SLC9B1: variants seen among roughly 807,000 people sequenced by gnomAD.
SLC9B1 encodes solute carrier family 9 member B1.
SLC9B1 carries 32 observed loss-of-function variants against 51.7 expected under a neutral mutation model. The ratio of observed to expected loss-of-function variants is 0.62; its 90% confidence interval spans 0.47 to 0.83. The LOEUF (loss-of-function observed/expected upper bound fraction) is 0.83, where lower values mean the gene tolerates loss of function less well. Ranked by LOEUF, SLC9B1 falls within the 40% of genes least tolerant of loss-of-function variation. The pLI is 0.00. For synonymous variants in SLC9B1, 145 were observed against 212.7 expected, an observed-to-expected ratio of 0.68 and a Z score of 2.77; for missense variants, 406 against 613.2, an observed-to-expected ratio of 0.66 and a Z score of 3.57.
chr4:102,960,083 A>G (rs1738023587), intron 3 of SLC9B1, among the ~76,000 whole-genome samples: 1 of 152,080 alleles, frequency 6.6e-6, no homozygotes, highest in Non-Finnish European at 1.5e-5. Flanking sequence ...TCAGGAAAAA[A>G]GAATAATAAA....
intron 6 of SLC9B1, among the ~76,000 whole-genome samples, chr4:102,932,666 G>C (rs1360678526): frequency 6.6e-6 from 1 of 152,138 alleles, no homozygotes; most frequent in Non-Finnish European, 1.5e-5. Flanking sequence ...GACAATTTAG[G>C]ATTGAAAAAA....
At chr4:102,899,856 A>T (rs534677432), downstream of SLC9B1, among the ~76,000 whole-genome samples, 1 of 152,232 alleles carries the variant, frequency 6.6e-6, no homozygotes, top group African/African-American at 2.4e-5. Context: ...TTGTAAAACT[A>T]TAAGGAGAAA....
At chr4:102,960,736 CTT>C (rs1172297121) in intron 3 of SLC9B1, among the ~76,000 whole-genome samples, 10 of 142,544 alleles carry the variant, frequency 7.0e-5, no homozygotes, top group Admixed American at 1.4e-4. Context: ...TTCTTTCTTT[CTT>C]TTTTTTTTTT....
chr4:102,912,956 C>A (rs1735408616), intron 7 of SLC9B1, among the ~76,000 whole-genome samples: 1 of 152,084 alleles, frequency 6.6e-6, no homozygotes, highest in Non-Finnish European at 1.5e-5. Flanking sequence ...ATAAAGATAC[C>A]AACTGAACAA....
At chr4:102,931,068 TA>T (rs1190849727) in intron 7 of SLC9B1, among the ~76,000 whole-genome samples, 1 of 151,016 alleles carries the variant, frequency 6.6e-6, no homozygotes, top group Non-Finnish European at 1.5e-5. Flanking sequence ...ACTAAAAATA[TA>T]AAAAAAATTA....
intron 3 of SLC9B1, among the ~76,000 whole-genome samples, chr4:102,964,335 T>C (rs1237537927): frequency 6.6e-6 from 1 of 152,016 alleles, no homozygotes; most frequent in Non-Finnish European, 1.5e-5. Context: ...AAAAATATAC[T>C]TCACTGGTGA....
Position 103,002,790 on chromosome 4 carries a change from C to T in SLC9B1, c.-1-11078G>A, listed in dbSNP as rs150274537. The stretch of plus-strand genomic sequence containing the variant: ...GCTTTCACTGAACACTCTGGAACTT[C>T]TGCCAGATGATTATCAAACTGTATT... On this transcript the variant is annotated intron_variant, in intron 1 of 11. Coordinates refer to ENST00000296422, the MANE Select transcript of SLC9B1 (RefSeq NM_139173.4). Among the ~76,000 whole-genome samples the T allele has an allele frequency of 3.9e-5, 6 of 152,304 alleles. No homozygotes were observed. The East Asian group carries it at 1.2e-3, about 29-fold the overall frequency.
At chr4:102,946,840 A>G in intron 4 of SLC9B1, 51 bp from the exon 5 acceptor site, 2 of 1,492,838 alleles carry the variant, frequency 1.3e-6, no homozygotes, top group East Asian at 2.5e-5. Context: ...TCTGAGAAAG[A>G]AAACGGAAAT....
chr4:103,005,938 G>C (rs1578415822), intron 1 of SLC9B1, among the ~76,000 whole-genome samples: 1 of 152,100 alleles, frequency 6.6e-6, no homozygotes, highest in East Asian at 1.9e-4. Context: ...TCTGAGACAG[G>C]GCTAAAGCAT....
Position 102,995,676 on chromosome 4 carries a change from G to T in SLC9B1, c.-1-3964C>A, listed in dbSNP as rs188240451. On this transcript the variant is annotated intron_variant, in intron 1 of 11. Transcript: ENST00000296422. ...ATATCTGCCAAGAGTGGAATTGGTA[G>T]GTGGTATGCCTAAAAGCAAGGACTT... Among the ~76,000 whole-genome samples, 277 of 152,246 alleles carry T rather than the reference G, an allele frequency of 1.8e-3. 1 individual carries two copies. Among genetic ancestry groups the T allele is most frequent in the South Asian group, 1.9e-3 (9 of 4,822 alleles).
intron 3 of SLC9B1, among the ~76,000 whole-genome samples, chr4:102,959,530 T>C (rs1302364516): frequency 6.6e-6 from 1 of 152,170 alleles, no homozygotes; most frequent in Non-Finnish European, 1.5e-5. Flanking sequence ...TGAGGAAAGA[T>C]ATTTTTTAGG....
At chr4:102,892,740 G>A (rs1484853689) in intron 11 of SLC9B1, 1 of 151,984 alleles carries the variant, frequency 6.6e-6, no homozygotes, top group East Asian at 1.9e-4. Flanking sequence ...AGGAGAAAAG[G>A]GTAGTACATT....
intron 6 of SLC9B1, among the ~76,000 whole-genome samples, chr4:102,941,247 T>TA (rs1736979626): frequency 5.3e-5 from 8 of 152,124 alleles, no homozygotes; most frequent in Admixed American, 5.2e-4. Flanking sequence ...AAACCATGCA[T>TA]TCGACAAAAG....
chr4:102,926,330 T>A (rs962192162), intron 7 of SLC9B1, among the ~76,000 whole-genome samples: 1 of 152,254 alleles, frequency 6.6e-6, no homozygotes, highest in Non-Finnish European at 1.5e-5. Context: ...GATGACATGA[T>A]TGTATATTTA....
intron 7 of SLC9B1, among the ~76,000 whole-genome samples, chr4:102,922,684 A>G (rs1300019237): frequency 6.6e-6 from 1 of 152,144 alleles, no homozygotes; most frequent in African/African-American, 2.4e-5. Context: ...AAGAAAAGAG[A>G]GAGGAATCAA....
intron 1 of SLC9B1, among the ~76,000 whole-genome samples, chr4:103,000,025 T>A (rs933617589): frequency 6.6e-6 from 1 of 152,182 alleles, no homozygotes; most frequent in African/African-American, 2.4e-5. Flanking sequence ...AAATGCCAGA[T>A]GCTTATAAAA....
At chr4:102,898,246 G>C (rs779736061), downstream of SLC9B1, 1 of 502,586 alleles carries the variant, frequency 2.0e-6, no homozygotes, top group Non-Finnish European at 3.9e-6. Context: ...ATTTAAAACT[G>C]ATCAGGGACC....
At chr4:102,905,440 A>C in intron 11 of SLC9B1, 74 bp downstream of exon 11, 1 of 1,419,318 alleles carries the variant, frequency 7.0e-7, no homozygotes, top group South Asian at 1.2e-5. Context: ...TTGTGACTAG[A>C]GTAACATTTT....
chr4:102,924,068 T>C (rs910205675), intron 7 of SLC9B1, among the ~76,000 whole-genome samples: 1 of 152,176 alleles, frequency 6.6e-6, no homozygotes, highest in Non-Finnish European at 1.5e-5. Flanking sequence ...TTCAAGTTCA[T>C]ATGGAACCAA....
Sources: allele counts gnomAD v4.1 joint callset (sites outside exome capture counted in the v4.1 genomes callset), GRCh38; gene constraint gnomAD v4.1.1; transcripts MANE v1.5; gene names NCBI Gene and HGNC (gene_info 2026-07-23, HGNC 2026-07-21).